The following TAPBPL variants were observed in gnomAD, a reference collection of about 807,000 sequenced individuals.
TAPBPL encodes the protein TAP binding protein like, also known as tapasin-related protein.
TAPBPL carries 32 observed loss-of-function variants against 44.8 expected under a neutral mutation model. That is an observed-to-expected ratio of 0.71 (90% CI 0.54 to 0.96). The LOEUF (loss-of-function observed/expected upper bound fraction) is 0.96, where lower values mean the gene tolerates loss of function less well. Among genes scored for constraint, TAPBPL ranks in the 40% least tolerant of loss-of-function variants. The pLI is 0.00. For missense variants in TAPBPL, 520 were observed against 586.6 expected (o/e 0.89, Z 1.17); for synonymous variants, 230 against 240.7 (o/e 0.96, Z 0.41).
intron 3 of TAPBPL, among the ~76,000 whole-genome samples, chr12:6,454,465 C>T (rs1949654668): frequency 6.6e-6 from 1 of 152,154 alleles, no homozygotes; most frequent in South Asian, 2.1e-4. Context: ...GAGACACCGT[C>T]TCAAAAACAA....
downstream of TAPBPL, chr12:6,462,663 G>A (rs1184630602): frequency 8.2e-6 from 6 of 735,812 alleles, no homozygotes; most frequent in Non-Finnish European, 1.1e-5. Context: ...CTGTGATAGG[G>A]CTGGGAGAGC....
chr12:6,452,742 C>A (rs1376214319), intron 1 of TAPBPL: 1 of 614,832 alleles, frequency 1.6e-6, no homozygotes, highest in Non-Finnish European at 2.6e-6. Flanking sequence ...CCTCTCTCTG[C>A]GGTGGCACTT....
chr12:6,456,491 G>A (rs1228645703), intron 3 of TAPBPL, among the ~76,000 whole-genome samples: 1 of 150,826 alleles, frequency 6.6e-6, no homozygotes, highest in Non-Finnish European at 1.5e-5. Context: ...AGCCTCCCAA[G>A]TAGCTGGGAT....
downstream of TAPBPL, chr12:6,463,302 GAC>G: frequency 8.1e-7 from 1 of 1,233,694 alleles, no homozygotes; most frequent in Non-Finnish European, 1.0e-6. This position sits in a 1 kb window ranked among gnomAD's most constrained non-coding sequence, Gnocchi z 4.0. Flanking sequence ...AAGCACACCT[GAC>G]ACAGGCTGGC....
chr12:6,466,079 TCTGGC>T (rs1950017139), downstream of TAPBPL: 2 of 1,612,204 alleles, frequency 1.2e-6, no homozygotes, highest in Admixed American at 3.3e-5. Context: ...GAATCACAAG[TCTGGC>T]CCTGTGCAAC....
At chr12:6,464,479 A>G (rs202093198), downstream of TAPBPL, 1 of 1,540,110 alleles carries the variant, frequency 6.5e-7, no homozygotes, top group Non-Finnish European at 8.8e-7. Context: ...CTCAAGTAAA[A>G]AAGTAGACTG....
chr12:6,471,553 C>T, the TAPBPL span, among the ~76,000 whole-genome samples: 2 of 152,132 alleles, frequency 1.3e-5, no homozygotes, highest in Admixed American at 6.5e-5. This position sits in a 1 kb window ranked among gnomAD's most constrained non-coding sequence, Gnocchi z 4.0. Flanking sequence ...CAAGGCCGGG[C>T]GCAGTGGCTC....
downstream of TAPBPL, chr12:6,465,366 A>ATATACACATG (rs1299804795): frequency 7.0e-6 from 1 of 142,832 alleles, no homozygotes; most frequent in Admixed American, 8.7e-5. Context: ...AAGTATATAT[A>ATATACACATG]TATATAAATG....
At chr12:6,451,675 T>C (rs764076947), upstream of TAPBPL, 4 of 402,350 alleles carry the variant, frequency 9.9e-6, no homozygotes, top group South Asian at 1.3e-4. Context: ...AAGACCCACA[T>C]GCTACAAGAC....
chr12:6,468,319 T>C (rs989247614), downstream of TAPBPL, among the ~76,000 whole-genome samples: 1 of 152,192 alleles, frequency 6.6e-6, no homozygotes, highest in Non-Finnish European at 1.5e-5. Flanking sequence ...CAGTTATTGG[T>C]TATGCTTCAC....
At chr12:6,466,467 G>C (rs1157167117), downstream of TAPBPL, 15 of 1,200,322 alleles carry the variant, frequency 1.2e-5, no homozygotes, top group Non-Finnish European at 1.7e-5. Flanking sequence ...AGGAGCGCTT[G>C]AGCCCAGGAG....
rs368205808 is a variant in TAPBPL, at chr12:6,459,760, A to AT, written c.1207+816dup. On this transcript the variant is annotated intron_variant, in intron 5 of 6. Coordinates refer to ENST00000266556, the MANE Select transcript of TAPBPL (RefSeq NM_018009.5). ...TATTTATTTATTTATTTATTTATTT[A>AT]TTTATTTTATTTTATTTTACTTTTT... 5.1e-3 allele frequency among the ~76,000 whole-genome samples: 562 copies of AT among 110,468 alleles called. 2 individuals carry two copies. Among genetic ancestry groups the AT allele is most frequent in the Non-Finnish European group, 8.1e-3 (426 of 52,718 alleles). 72.5% of individuals were successfully genotyped at this position (110,468 alleles called of 152,430 possible). A position where few individuals can be genotyped will look rare whatever the true frequency, so the allele number is the denominator to read the frequency against.
chr12:6,462,413 G>A (rs1309365013), downstream of TAPBPL: 10 of 495,446 alleles, frequency 2.0e-5, no homozygotes, highest in South Asian at 9.4e-5. Flanking sequence ...ACCCCACATC[G>A]TCTCATGGCA....
rs943706818 is a variant in TAPBPL, at chr12:6,454,023, AAAAAG to A, written c.565+323_565+327del. ...AGAGCGAAACTCCATCTCAAAAAAA[AAAAAG>A]AAAAGAAAAGAAAAGCAAGTCACAG... On this transcript the variant is annotated intron_variant, in intron 3 of 6. Coordinates refer to ENST00000266556, the MANE Select transcript of TAPBPL (RefSeq NM_018009.5). 2.1e-4 allele frequency among the ~76,000 whole-genome samples: 32 copies of A among 151,882 alleles called. No individual in the cohort carries two copies. In the East Asian group the frequency reaches 2.3e-3, roughly 11 times the overall value.
intron 3 of TAPBPL, among the ~76,000 whole-genome samples, chr12:6,455,362 T>C (rs1162291564): frequency 1.3e-5 from 2 of 152,250 alleles, no homozygotes; most frequent in African/African-American, 2.4e-5. Context: ...AAAGCCATCA[T>C]GTCAGAAACA....
Position 6,453,025 on chromosome 12 carries a change from C to A in TAPBPL, c.65-42C>A. ...GGGGCAGGAAGCAAGTGTGGAGTAG[C>A]TTTCTGGGGAAGGCGGTGCTCACCC... On this transcript the variant is annotated intron_variant, in intron 1 of 6. Coordinates refer to ENST00000266556, the MANE Select transcript of TAPBPL (RefSeq NM_018009.5). The surrounding 1 kb of genome is among the most constrained non-coding windows in gnomAD (Gnocchi z 4.8). 1.3e-6 allele frequency: 2 copies of A among 1,537,250 alleles called. No individual in the cohort carries two copies. The highest frequency in any genetic ancestry group is 2.0e-5 in the Admixed American group (1 of 50,766).
At position 6,452,043 on chromosome 12, in the gene TAPBPL, G is replaced by T; in HGVS notation, c.-206G>T. ...AAGCAGGGCTCTGGCAGCTGCTGCA[G>T]ACGGCTTCACACAGGGACGCGGGCT... is the stretch of plus-strand genomic sequence containing the variant. On this transcript the variant is annotated 5_prime_UTR_variant, in exon 1 of 7. Transcript: ENST00000266556. 1.6e-6 allele frequency: 1 copy of T among 615,648 alleles called. No individual in the cohort carries two copies. Among genetic ancestry groups the T allele is most frequent in the Non-Finnish European group, 2.9e-6 (1 of 343,356 alleles). The allele number at this position is 615,648 out of a possible 1,614,324, so 38.1% of individuals were successfully genotyped here.
At chr12:6,462,576 GAA>G (rs1949904550), downstream of TAPBPL, 2 of 562,642 alleles carry the variant, frequency 3.6e-6, no homozygotes, top group Non-Finnish European at 3.1e-6. Context: ...AAAGAAAGTA[GAA>G]GGGCTAATAC....
downstream of TAPBPL, chr12:6,466,288 AG>A (rs886042861): frequency 6.2e-7 from 1 of 1,614,178 alleles, no homozygotes; most frequent in Admixed American, 1.7e-5. Context: ...GAGGAGGGCC[AG>A]GGGGACCCCC....
Sources: gnomAD v4.1 joint callset for allele counts (sites outside exome capture counted in the v4.1 genomes callset) on GRCh38, gnomAD v4.1.1 for gene constraint, Gnocchi (gnomAD v3.1) non-coding constraint, MANE v1.5 for transcripts, NCBI Gene and HGNC (gene_info 2026-07-23, HGNC 2026-07-21) for gene names.